The following NALF1 variants were observed in gnomAD, a reference collection of about 807,000 sequenced individuals.
NALF1 encodes family with sequence similarity 155 member A.
In NALF1, 3 loss-of-function variants were observed where a neutral mutation model predicts 48.4. The ratio of observed to expected loss-of-function variants is 0.06; its 90% CI spans 0.03 to 0.16. NALF1 has a LOEUF of 0.16. Ranked by LOEUF, NALF1 falls within the 10% of genes least tolerant of loss-of-function variation. The pLI, the probability that NALF1 is intolerant of heterozygous loss-of-function variation, is 1.00. For missense variants in NALF1, 526 were observed against 571.5 expected, an observed-to-expected ratio of 0.92 and a Z score of 0.81; for synonymous variants, 262 against 245.7, an observed-to-expected ratio of 1.07 and a Z score of -0.62.
chr13:107,622,110 A>G (rs1336651536), intron 1 of NALF1, among the ~76,000 whole-genome samples: 1 of 151,638 alleles, frequency 6.6e-6, no homozygotes, highest in Non-Finnish European at 1.5e-5. Flanking sequence ...CTCCTGTCTC[A>G]GCCTCCAAAG....
intron 1 of NALF1, among the ~76,000 whole-genome samples, chr13:107,632,103 T>A (rs1879851231): frequency 6.6e-6 from 1 of 152,206 alleles, no homozygotes; most frequent in Admixed American, 6.5e-5. Context: ...TCTTTGCATA[T>A]GCTATTTAAT....
chr13:107,544,290 T>A (rs987384350), intron 1 of NALF1, among the ~76,000 whole-genome samples: 3 of 152,176 alleles, frequency 2.0e-5, no homozygotes, highest in African/African-American at 7.2e-5. Context: ...CCATTTTGAC[T>A]TTGCAATATC....
Position 107,646,145 on chromosome 13 carries a change from G to A in NALF1, c.915+219537C>T, listed in dbSNP as rs551269623. Among the ~76,000 whole-genome samples the A allele has an allele frequency of 7.2e-5, 11 of 152,088 alleles. No individual in the cohort carries two copies. The East Asian group carries it at 1.4e-3, about 19-fold the overall frequency. On this transcript the variant is annotated intron_variant, in intron 1 of 2. Transcript: ENST00000375915. ...CACATCTTTTAAAATTGCATCTAAC[G>A]TTTCTAGATGTTCTCAGTGGGAACG...
intron 1 of NALF1, among the ~76,000 whole-genome samples, chr13:107,386,911 T>C (rs1238653484): frequency 6.6e-6 from 1 of 152,112 alleles, no homozygotes; most frequent in East Asian, 1.9e-4. Flanking sequence ...GGAAAGAAAC[T>C]ACAAGCAGCT....
intron 1 of NALF1, among the ~76,000 whole-genome samples, chr13:107,296,325 T>C (rs889339926): frequency 6.6e-6 from 1 of 152,196 alleles, no homozygotes; most frequent in Admixed American, 6.5e-5. Flanking sequence ...GAAGATACAG[T>C]AGCCTAGTGG....
At chr13:107,426,338 C>T (rs943276100) in intron 1 of NALF1, among the ~76,000 whole-genome samples, 1 of 152,160 alleles carries the variant, frequency 6.6e-6, no homozygotes, top group Admixed American at 6.6e-5. Context: ...TATCTGCCAC[C>T]TGTGCTTGAC....
intron 1 of NALF1, among the ~76,000 whole-genome samples, chr13:107,283,820 C>T (rs1262247840): frequency 4.6e-5 from 7 of 151,688 alleles, no homozygotes; most frequent in South Asian, 4.2e-4. Flanking sequence ...CCACTATGCC[C>T]GGCTAATTTT....
chr13:107,380,608 TAAAC>T (rs1357218147), intron 1 of NALF1, among the ~76,000 whole-genome samples: 3 of 152,022 alleles, frequency 2.0e-5, no homozygotes, highest in Non-Finnish European at 2.9e-5. Flanking sequence ...ATTCCAGAAA[TAAAC>T]AACAACTAAA....
chr13:107,614,673 A>G (rs1169326903), intron 1 of NALF1, among the ~76,000 whole-genome samples: 2 of 151,056 alleles, frequency 1.3e-5, no homozygotes, highest in Non-Finnish European at 2.9e-5. Flanking sequence ...GATCACATAT[A>G]CTCTTATTTC....
intron 1 of NALF1, among the ~76,000 whole-genome samples, chr13:107,650,861 G>C (rs1419951898): frequency 6.6e-6 from 1 of 152,008 alleles, no homozygotes; most frequent in Non-Finnish European, 1.5e-5. Context: ...TTGTAAGTGG[G>C]GGCTAAATGA....
chr13:107,291,154 T>A (rs75546338), intron 1 of NALF1, among the ~76,000 whole-genome samples: 5,994 of 151,744 alleles, frequency 0.04, 155 homozygotes, highest in Non-Finnish European at 0.059. Context: ...TACAATCAAA[T>A]ACGTAAAATC....
At chr13:107,232,581 A>T (rs1409002300) in intron 1 of NALF1, among the ~76,000 whole-genome samples, 1 of 152,166 alleles carries the variant, frequency 6.6e-6, no homozygotes, top group Non-Finnish European at 1.5e-5. Flanking sequence ...ATAGCTACGA[A>T]TCAGCCCAAG....
chr13:107,777,467 C>T lies in NALF1; in HGVS notation c.915+88215G>A, dbSNP rs540252136. On this transcript the variant is annotated intron_variant, in intron 1 of 2. Coordinates refer to ENST00000375915, the MANE Select transcript of NALF1 (RefSeq NM_001080396.3). ...GTGGGAGGTGTTTGGATCACGGGGG[C>T]AGATCTCTCCTGGCTTGCTGCTCTC... Among the ~76,000 whole-genome samples, 5 of 152,280 alleles carry T rather than the reference C, an allele frequency of 3.3e-5. No homozygotes were observed. The South Asian group carries it at 1.0e-3, about 32-fold the overall frequency.
chr13:107,441,683 G>A (rs1392760853), intron 1 of NALF1, among the ~76,000 whole-genome samples: 1 of 152,202 alleles, frequency 6.6e-6, no homozygotes, highest in Non-Finnish European at 1.5e-5. Flanking sequence ...TTAACAGGAA[G>A]TTACACATTT....
intron 1 of NALF1, among the ~76,000 whole-genome samples, chr13:107,698,118 A>G (rs899709117): frequency 2.0e-5 from 3 of 152,220 alleles, no homozygotes; most frequent in African/African-American, 7.2e-5. Flanking sequence ...CATTCTTTTT[A>G]CTGATAGCAA....
intron 1 of NALF1, among the ~76,000 whole-genome samples, chr13:107,675,804 G>T (rs1259115595): frequency 1.3e-5 from 2 of 152,124 alleles, no homozygotes; most frequent in Non-Finnish European, 2.9e-5. Flanking sequence ...CTATTATAGA[G>T]CCAATCCAGA....
rs191892239 is a variant in NALF1, at chr13:107,830,301, G to T, written c.915+35381C>A. 9.8e-4 allele frequency among the ~76,000 whole-genome samples: 149 copies of T among 152,258 alleles called. 1 individual carries two copies. The highest frequency in any genetic ancestry group is 3.7e-3 in the Admixed American group (57 of 15,288). On this transcript the variant is annotated intron_variant, in intron 1 of 2. Coordinates refer to ENST00000375915, the MANE Select transcript of NALF1 (RefSeq NM_001080396.3). ...GTCGTTGTTTATTTGAATATATTAA[G>T]AATAATATCAAGGTAATTATCTATG...
chr13:107,702,041 A>G (rs1881834369), intron 1 of NALF1, among the ~76,000 whole-genome samples: 1 of 152,204 alleles, frequency 6.6e-6, no homozygotes, highest in Non-Finnish European at 1.5e-5. Context: ...AAATGGTCAA[A>G]TGTATCTCTG....
At chr13:107,845,194 G>A (rs1056108578) in intron 1 of NALF1, among the ~76,000 whole-genome samples, 5 of 152,182 alleles carry the variant, frequency 3.3e-5, no homozygotes, top group Non-Finnish European at 4.4e-5. Flanking sequence ...AATTTCTTTT[G>A]TCATTTTGGC....
Sources: gnomAD v4.1 joint callset for allele counts (sites outside exome capture counted in the v4.1 genomes callset) on GRCh38, gnomAD v4.1.1 for gene constraint, MANE v1.5 for transcripts, NCBI Gene and HGNC (gene_info 2026-07-23, HGNC 2026-07-21) for gene names.